The following TBPL1 variants were observed in gnomAD, a reference collection of about 807,000 sequenced individuals.
TBPL1 encodes TATA-box binding protein like 1.
In TBPL1, 4 loss-of-function variants were observed where a neutral mutation model predicts 22.1. The ratio of observed to expected loss-of-function variants is 0.18; its 90% CI spans 0.09 to 0.41. The LOEUF (loss-of-function observed/expected upper bound fraction) is 0.41. TBPL1 is among the 10% of genes least tolerant of loss of function. The pLI, the probability that TBPL1 is intolerant of heterozygous loss-of-function variation, is 1.00. For missense variants in TBPL1, 115 were observed against 222.3 expected, an observed-to-expected ratio of 0.52 and a Z score of 3.07; for synonymous variants, 64 against 71.0, an observed-to-expected ratio of 0.90 and a Z score of 0.50.
At chr6:133,979,964 C>A in intron 1 of TBPL1, 118 bp from the exon 2 acceptor site, 1 of 819,862 alleles carries the variant, frequency 1.2e-6, no homozygotes, top group Non-Finnish European at 1.7e-6. Flanking sequence ...TGATTTGATT[C>A]TAGTAACATT....
intron 1 of TBPL1, among the ~76,000 whole-genome samples, chr6:133,955,332 C>A (rs189081241): frequency 2.6e-5 from 4 of 151,260 alleles, no homozygotes; most frequent in Middle Eastern, 6.8e-3. Flanking sequence ...TGCTCTCCTC[C>A]GCCCCAATAC....
intron 1 of TBPL1, among the ~76,000 whole-genome samples, chr6:133,961,421 G>T (rs1272611076): frequency 6.6e-6 from 1 of 150,748 alleles, no homozygotes; most frequent in East Asian, 1.9e-4. Flanking sequence ...CATATGGCTG[G>T]CTACTTCTTA....
chr6:133,983,022 C>T (rs1244715752), intron 4 of TBPL1, 142 bp downstream of exon 4: 2 of 738,346 alleles, frequency 2.7e-6, no homozygotes, highest in East Asian at 5.9e-5. Context: ...TACTGCCCTT[C>T]AGTGTGAAAA....
intron 1 of TBPL1, among the ~76,000 whole-genome samples, chr6:133,957,363 T>C (rs529536186): frequency 2.0e-4 from 31 of 152,300 alleles, no homozygotes; most frequent in African/African-American, 7.5e-4. Flanking sequence ...TTAGGACATA[T>C]GTGGATGATT....
In TBPL1 at chr6:133,987,298, T is replaced by C. The variant is rs1776545161; in HGVS notation, c.*258T>C. Reference sequence around the variant, plus strand: ...TTTCGCAGTAATTCTCATGTCCCCATAAGCAGAGCTGTCACAGTGTGCACT... The same window carrying C: ...TTTCGCAGTAATTCTCATGTCCCCACAAGCAGAGCTGTCACAGTGTGCACT... On this transcript the variant is annotated 3_prime_UTR_variant, in exon 7 of 7. Transcript: ENST00000237264. 3.8e-6 allele frequency: 1 copy of C among 260,856 alleles called. No individual in the cohort carries two copies. The highest frequency in any genetic ancestry group is 2.2e-5 in the African/African-American group (1 of 44,796). The allele number at this position is 260,856 out of a possible 1,614,324, so 16.2% of individuals were successfully genotyped here. A position where few individuals can be genotyped will look rare whatever the true frequency, so the allele number is the denominator to read the frequency against.
rs755833030 is a variant in TBPL1 at position 133,987,038 on chromosome 6, T to C, written c.559T>C (p.Ter187GlnextTer4). ...GTTTGAAAGCAGGAAAGAAATTTTA[T>C]AATTCACCACTTAATTGGTTAGAAT... ...FVFESRKEIL[*>Q] is the part of the protein sequence containing the mutation. Residue 187 changes from the stop codon to glutamine (Q), a stop_lost, in exon 7 of 7, where the codon TAA (stop) becomes CAA (glutamine). Coordinates refer to ENST00000237264, the MANE Select transcript of TBPL1 (RefSeq NM_004865.4). 5.0e-6 allele frequency: 8 copies of C among 1,608,258 alleles called. No homozygotes were observed. The African/African-American group carries it at 1.1e-4, about 22-fold the overall frequency.
intron 1 of TBPL1, among the ~76,000 whole-genome samples, chr6:133,959,183 G>A (rs972286324): frequency 6.6e-6 from 1 of 152,086 alleles, no homozygotes; most frequent in African/African-American, 2.4e-5. Flanking sequence ...GGGATTACAG[G>A]CATGCGCCAC....
At chr6:133,971,510 T>C (rs1237404545) in intron 1 of TBPL1, among the ~76,000 whole-genome samples, 1 of 152,184 alleles carries the variant, frequency 6.6e-6, no homozygotes, top group East Asian at 1.9e-4. Context: ...ATAATGGCTA[T>C]GTGAGTTTAC....
At chr6:133,960,039 C>T (rs1775994025) in intron 1 of TBPL1, among the ~76,000 whole-genome samples, 1 of 152,162 alleles carries the variant, frequency 6.6e-6, no homozygotes, top group African/African-American at 2.4e-5. Context: ...CGTTTTTCCT[C>T]TCACCTACTT....
chr6:133,972,898 T>A (rs942829434), intron 1 of TBPL1, among the ~76,000 whole-genome samples: 23 of 152,180 alleles, frequency 1.5e-4, no homozygotes, highest in African/African-American at 5.3e-4. Context: ...CAGGTGGTAT[T>A]ATCACCAATT....
chr6:133,963,627 G>C (rs1387543768), intron 1 of TBPL1, among the ~76,000 whole-genome samples: 1 of 152,078 alleles, frequency 6.6e-6, no homozygotes, highest in Admixed American at 6.5e-5. Flanking sequence ...TCACCATGTT[G>C]CTCAGTCTGG....
chr6:133,975,675 T>A (rs1776301499), intron 1 of TBPL1, among the ~76,000 whole-genome samples: 1 of 152,178 alleles, frequency 6.6e-6, no homozygotes, highest in Non-Finnish European at 1.5e-5. Context: ...AATAATCTTT[T>A]AAAAATCAAG....
At chr6:133,975,659 T>C (rs1273956417) in intron 1 of TBPL1, among the ~76,000 whole-genome samples, 1 of 152,168 alleles carries the variant, frequency 6.6e-6, no homozygotes, top group Non-Finnish European at 1.5e-5. Flanking sequence ...GCAAACCAGA[T>C]TCATCAATAA....
In TBPL1 at chr6:133,987,140, A is replaced by G; in HGVS notation, c.*100A>G. On this transcript the variant is annotated 3_prime_UTR_variant, in exon 7 of 7. Coordinates refer to ENST00000237264, the MANE Select transcript of TBPL1 (RefSeq NM_004865.4). ...CTGGACCAACAATAATTGAGGAAAT[A>G]GACTCTTTTATTCATTCACGGCTAC... The G allele has an allele frequency of 1.4e-6, 1 of 704,942 alleles. No homozygotes were observed. The allele number at this position is 704,942 out of a possible 1,614,324, so 43.7% of individuals were successfully genotyped here.
At chr6:133,968,570 G>C (rs144503412) in intron 1 of TBPL1, among the ~76,000 whole-genome samples, 28 of 152,274 alleles carry the variant, frequency 1.8e-4, no homozygotes, top group African/African-American at 6.5e-4. Flanking sequence ...GAGGTAAATG[G>C]TATTGTGTTT....
intron 1 of TBPL1, among the ~76,000 whole-genome samples, chr6:133,967,010 T>C (rs1388075269): frequency 6.6e-6 from 1 of 152,212 alleles, no homozygotes; most frequent in Non-Finnish European, 1.5e-5. Context: ...ATTCTGAACG[T>C]GGCATAGAAG....
chr6:133,955,689 A>G (rs1775914500), intron 1 of TBPL1, among the ~76,000 whole-genome samples: 2 of 152,256 alleles, frequency 1.3e-5, no homozygotes, highest in Admixed American at 1.3e-4. Context: ...TTAGAAGTCC[A>G]AATGGTAATA....
intron 1 of TBPL1, among the ~76,000 whole-genome samples, chr6:133,957,575 G>T (rs958038835): frequency 3.3e-5 from 5 of 152,226 alleles, no homozygotes; most frequent in African/African-American, 1.2e-4. Context: ...TATTTTCACT[G>T]TGAGACAGAA....
chr6:133,980,742 G>A (rs964154626), intron 2 of TBPL1, among the ~76,000 whole-genome samples: 3 of 151,510 alleles, frequency 2.0e-5, no homozygotes, highest in African/African-American at 7.3e-5. Context: ...TGTTAAACCT[G>A]TAATATTTTA....
Sources: gnomAD v4.1 joint callset for allele counts (sites outside exome capture counted in the v4.1 genomes callset) on GRCh38, gnomAD v4.1.1 for gene constraint, MANE v1.5 for transcripts, NCBI Gene and HGNC (gene_info 2026-07-23, HGNC 2026-07-21) for gene names.